The following RIN3 variants were observed in gnomAD, a reference collection of about 807,000 sequenced individuals.
RIN3 encodes the protein Ras and Rab interactor 3, also known as RAB5 interacting protein 3.
In RIN3, 54 loss-of-function variants were observed where a neutral mutation model predicts 76.3. The ratio of observed to expected loss-of-function variants is 0.71; its 90% CI spans 0.57 to 0.89. The LOEUF (loss-of-function observed/expected upper bound fraction) is 0.89, where lower values mean the gene tolerates loss of function less well. Among genes scored for constraint, RIN3 ranks in the 40% least tolerant of loss-of-function variants. The pLI, the probability that RIN3 is intolerant of heterozygous loss-of-function variation, is 0.00. For missense variants in RIN3, 1,256 were observed against 1,322.1 expected (o/e 0.95, Z 0.78); for synonymous variants, 576 against 564.0 (o/e 1.02, Z -0.30).
At chr14:92,531,359 C>T (rs1896875099) in intron 1 of RIN3, among the ~76,000 whole-genome samples, 1 of 152,216 alleles carries the variant, frequency 6.6e-6, no homozygotes, top group African/African-American at 2.4e-5. Flanking sequence ...CTTCCTCTAA[C>T]CTCTCACTCT....
At position 92,651,621 on chromosome 14, in the gene RIN3, G is replaced by A; in HGVS notation, c.572G>A (p.Gly191Glu). The A allele has an allele frequency of 6.2e-7, 1 of 1,610,894 alleles. No individual in the cohort carries two copies. Residue 191 changes from glycine (G) to glutamate (E), a missense_variant, in exon 6 of 10, where the codon GGG (glycine) becomes GAG (glutamate). Coordinates refer to ENST00000216487, the MANE Select transcript of RIN3 (RefSeq NM_024832.5). ...TCGCTGAATCCTCCACAAGAAAGAG[G>A]GAAGCCAGCAGAGCCCCCAAGAGAC... is the stretch of plus-strand genomic sequence containing the variant. ...DSSLNPPQER[G>E]KPAEPPRDRA...
chr14:92,609,761 T>G (rs541360223), intron 3 of RIN3, among the ~76,000 whole-genome samples: 1 of 152,230 alleles, frequency 6.6e-6, no homozygotes, highest in East Asian at 1.9e-4. Flanking sequence ...GAGAAAAATC[T>G]TGACTGTCTC....
intron 1 of RIN3, among the ~76,000 whole-genome samples, chr14:92,531,282 G>A (rs924921534): frequency 6.6e-6 from 1 of 152,160 alleles, no homozygotes; most frequent in Admixed American, 6.5e-5. Flanking sequence ...CCCACAAAAT[G>A]TATGTGTTGA....
chr14:92,672,217 C>G (rs1314126190), intron 7 of RIN3, among the ~76,000 whole-genome samples: 3 of 151,876 alleles, frequency 2.0e-5, no homozygotes, highest in African/African-American at 7.3e-5. Context: ...ACTAGCCTGT[C>G]CGACATGGCA....
rs554557281 is a variant in RIN3 at position 92,627,496 on chromosome 14, A to C, written c.440+12017A>C. Among the ~76,000 whole-genome samples, 3 of 152,318 alleles carry C rather than the reference A, an allele frequency of 2.0e-5. No homozygotes were observed. The East Asian group carries it at 5.8e-4, about 29-fold the overall frequency. On this transcript the variant is annotated intron_variant, in intron 4 of 9. Coordinates refer to ENST00000216487, the MANE Select transcript of RIN3 (RefSeq NM_024832.5). ...TCACCATTCACACAAGCAGCACCGC[A>C]AGCAGTGGTGCCTATGATCATTCAC... is the stretch of plus-strand genomic sequence containing the variant.
intron 4 of RIN3, among the ~76,000 whole-genome samples, chr14:92,636,653 A>G (rs1886788244): frequency 6.6e-6 from 1 of 152,262 alleles, no homozygotes; most frequent in African/African-American, 2.4e-5. Flanking sequence ...GGAAGCCAGT[A>G]TACATGTATG....
chr14:92,560,896 T>A (rs1476043167), intron 2 of RIN3, among the ~76,000 whole-genome samples: 1 of 149,544 alleles, frequency 6.7e-6, no homozygotes, highest in Non-Finnish European at 1.5e-5. Flanking sequence ...GGTGGGCGCC[T>A]GTAATCCCAG....
Position 92,623,353 on chromosome 14 carries a change from A to G in RIN3, c.440+7874A>G, listed in dbSNP as rs911710408. On this transcript the variant is annotated intron_variant, in intron 4 of 9. Transcript: ENST00000216487. This position sits in a 1 kb window ranked among gnomAD's most constrained non-coding sequence, Gnocchi z 4.9. ...TGTTTTCCCAAGCCATTTGGCTAGT[A>G]GGCCCTAATTGTTCAGCTATTCCTT... 6.6e-6 allele frequency among the ~76,000 whole-genome samples: 1 copy of G among 152,248 alleles called. No homozygotes were observed. Among genetic ancestry groups the G allele is most frequent in the Non-Finnish European group, 1.5e-5 (1 of 68,044 alleles).
intron 3 of RIN3, among the ~76,000 whole-genome samples, chr14:92,594,312 A>G (rs1310290172): frequency 6.6e-6 from 1 of 151,956 alleles, no homozygotes; most frequent in East Asian, 1.9e-4. Flanking sequence ...CATGCCTGTA[A>G]TCCCAGCTAC....
In RIN3 at chr14:92,685,132, C is replaced by A. The variant is rs8007671; in HGVS notation, c.2613C>A (p.Ala871=). ...GGCGTACTCTCAACAAGGCCCGGGCCTCCCGCTCCTCCGTACAGGTGAGGC... is the reference window on the plus strand; with the variant it reads ...GGCGTACTCTCAACAAGGCCCGGGCATCCCGCTCCTCCGTACAGGTGAGGC... The part of the protein sequence containing the change: ...ERRRTLNKAR[A]SRSSVQDFIC... Residue 871 remains alanine, a synonymous_variant, in exon 9 of 10, where the codon GCC becomes GCA. Transcript: ENST00000216487. The surrounding 1 kb of genome is among the most constrained non-coding windows in gnomAD (Gnocchi z 4.7). The A allele has an allele frequency of 6.2e-7, 1 of 1,611,800 alleles. No homozygotes were observed. Among genetic ancestry groups the A allele is most frequent in the African/African-American group, 1.3e-5 (1 of 75,026 alleles).
At chr14:92,565,315 G>T (rs1316284792) in intron 2 of RIN3, among the ~76,000 whole-genome samples, 1 of 152,172 alleles carries the variant, frequency 6.6e-6, no homozygotes, top group Non-Finnish European at 1.5e-5. Context: ...GGTAGAGGGG[G>T]TCTGGGGAAG....
chr14:92,612,547 T>A (rs1054104261), intron 3 of RIN3, among the ~76,000 whole-genome samples: 2 of 152,216 alleles, frequency 1.3e-5, no homozygotes, highest in African/African-American at 4.8e-5. Flanking sequence ...AGACAGACTT[T>A]TAGTAAACAT....
chr14:92,632,485 G>A (rs916108456), intron 4 of RIN3, among the ~76,000 whole-genome samples: 7 of 152,156 alleles, frequency 4.6e-5, no homozygotes, highest in African/African-American at 1.4e-4. Context: ...TTAGCAGAGC[G>A]CCTGGCATGA....
chr14:92,593,800 A>G (rs1843990639), intron 3 of RIN3, among the ~76,000 whole-genome samples: 2 of 152,242 alleles, frequency 1.3e-5, no homozygotes, highest in African/African-American at 2.4e-5. Flanking sequence ...CAGTACTCCA[A>G]GAAGATCTAA....
At chr14:92,549,208 G>C (rs1481645089) in intron 1 of RIN3, among the ~76,000 whole-genome samples, 1 of 152,158 alleles carries the variant, frequency 6.6e-6, no homozygotes, top group Non-Finnish European at 1.5e-5. Context: ...ACGCTGCCTT[G>C]GGTCAGGTTG....
chr14:92,535,762 T>C (rs1002762477), intron 1 of RIN3, among the ~76,000 whole-genome samples: 4 of 147,672 alleles, frequency 2.7e-5, no homozygotes, highest in African/African-American at 1.0e-4. Context: ...GCAACCTCCG[T>C]CTCCCGGGTT....
intron 1 of RIN3, chr14:92,515,362 C>A: frequency 1.5e-6 from 1 of 654,628 alleles, no homozygotes; most frequent in Non-Finnish European, 2.8e-6. Context: ...GGTGAGGGGC[C>A]AGGGCGCTGG....
At chr14:92,649,639 T>C (rs766666275) in intron 5 of RIN3, among the ~76,000 whole-genome samples, 9 of 152,180 alleles carry the variant, frequency 5.9e-5, no homozygotes, top group Middle Eastern at 3.2e-3. Context: ...GGAGGAGCCA[T>C]GCGCTGCCCA....
At chr14:92,571,838 G>A (rs1360957756) in intron 2 of RIN3, among the ~76,000 whole-genome samples, 3 of 152,182 alleles carry the variant, frequency 2.0e-5, no homozygotes, top group Non-Finnish European at 4.4e-5. Context: ...AAGGCACATA[G>A]GGCGAGGTCT....
Sources: gnomAD v4.1 joint callset for allele counts (sites outside exome capture counted in the v4.1 genomes callset) on GRCh38, gnomAD v4.1.1 for gene constraint, Gnocchi (gnomAD v3.1) non-coding constraint, MANE v1.5 for transcripts, NCBI Gene and HGNC (gene_info 2026-07-23, HGNC 2026-07-21) for gene names.